Variants in TMED9 observed in about 807,000 individuals in gnomAD.
TMED9 encodes the protein transmembrane emp24 domain-containing protein 9.
Under a neutral mutation model 30.6 loss-of-function variants are expected in TMED9, and 22 were observed. The ratio of observed to expected loss-of-function variants is 0.72; its 90% CI spans 0.51 to 1.03. The LOEUF (loss-of-function observed/expected upper bound fraction) is 1.03, where lower values mean the gene tolerates loss of function less well. Among genes scored for constraint, TMED9 ranks in the 50% least tolerant of loss-of-function variants. The pLI, the probability that TMED9 is intolerant of heterozygous loss-of-function variation, is 0.00. For missense variants in TMED9, 251 were observed against 302.1 expected (o/e 0.83, Z 1.25); for synonymous variants, 146 against 122.8 (o/e 1.19, Z -1.25).
rs764025724 is a variant in TMED9 at position 177,592,383 on chromosome 5, G to C, written c.169G>C (p.Glu57Gln). 6.2e-7 allele frequency: 1 copy of C among 1,601,210 alleles called. No homozygotes were observed. The highest frequency in any genetic ancestry group is 8.5e-7 in the Non-Finnish European group (1 of 1,174,004). Residue 57 changes from glutamate to glutamine, a missense_variant, in exon 1 of 5, where the codon GAG (glutamate) becomes CAG (glutamine). Glu to Gln is a conservative substitution (Grantham distance 29). Around this residue, in one of 2 missense-constraint regions of TMED9, gnomAD observed 153 missense variants for 239.6 expected, o/e 0.64. Coordinates refer to ENST00000332598, the MANE Select transcript of TMED9 (RefSeq NM_017510.6). ...KKCFIEEIPD[E>Q]TMVIGNYRTQ... is the part of the protein sequence containing the mutation. The stretch of plus-strand genomic sequence containing the variant: ...GTGCTTTATTGAGGAGATCCCGGAC[G>C]AGACCATGGTCATAGGTGCGGGGGC...
rs1767687799 is a variant in TMED9, at chr5:177,596,173, A to G, written c.*757A>G. ...CACACACTGCAGGGTGCCTCAGGGA[A>G]TGCCAGTTCTTCCAAAGAGCAAAGC... On this transcript the variant is annotated 3_prime_UTR_variant, in exon 5 of 5. Transcript: ENST00000332598. 6.6e-6 allele frequency: 1 copy of G among 152,566 alleles called. No homozygotes were observed. Among genetic ancestry groups the G allele is most frequent in the African/African-American group, 2.4e-5 (1 of 41,464 alleles). The allele number at this position is 152,566 out of a possible 1,614,324, so 9.5% of individuals were successfully genotyped here. A position where few individuals can be genotyped will look rare whatever the true frequency, so the allele number is the denominator to read the frequency against.
intron 3 of TMED9, 57 bp downstream of exon 3, chr5:177,593,832 G>C (rs1767636524): frequency 6.2e-6 from 10 of 1,603,744 alleles, no homozygotes; most frequent in Non-Finnish European, 8.5e-6. Context: ...GGTGAGGACT[G>C]GGGGACTGGT....
chr5:177,593,542 C>G, intron 2 of TMED9, 108 bp from the exon 3 acceptor site: 1 of 1,394,896 alleles, frequency 7.2e-7, no homozygotes, highest in South Asian at 1.3e-5. Context: ...TTGTGAGGTG[C>G]GAAAGGCTGT....
At chr5:177,592,778 ATGT>A (rs1201021664) in intron 2 of TMED9, 103 bp downstream of exon 2, 10 of 817,074 alleles carry the variant, frequency 1.2e-5, no homozygotes, top group East Asian at 8.1e-5. Flanking sequence ...GAGACAGTTG[ATGT>A]TGTGGGAATA....
chr5:177,594,195 T>C lies in TMED9; in HGVS notation c.468T>C (p.Ala156=). The change falls in exon 4 of 5, where the codon GCT becomes GCC. Residue 156 remains alanine, a synonymous_variant. Transcript: ENST00000332598. The stretch of plus-strand genomic sequence containing the variant: ...ATGCCAATGACTATGCAGAAATTGC[T>C]GCTAAAGACAAGTTGAGTGAGTTGC... ...GEHANDYAEI[A]AKDKLSELQL... The C allele has an allele frequency of 6.2e-7, 1 of 1,614,240 alleles. No individual in the cohort carries two copies. Among genetic ancestry groups the C allele is most frequent in the Non-Finnish European group, 8.5e-7 (1 of 1,180,042 alleles).
rs377049767 is a variant in TMED9, at chr5:177,592,618, C to T, written c.228C>T (p.Tyr76=). The change falls in exon 2 of 5, where the codon TAC becomes TAT. Residue 76 remains tyrosine, a synonymous_variant. Coordinates refer to ENST00000332598, the MANE Select transcript of TMED9 (RefSeq NM_017510.6). ...TGTATGACAAGCAGCGGGAGGAGTA[C>T]CAGCCGGCCACCCCGGGGCTTGGCA... The part of the protein sequence containing the change: ...TQLYDKQREE[Y]QPATPGLGMF... The T allele has an allele frequency of 5.0e-6, 8 of 1,613,790 alleles. No homozygotes were observed. The highest frequency in any genetic ancestry group is 6.8e-6 in the Non-Finnish European group (8 of 1,179,916).
At chr5:177,594,772 ATTTATTT>A (rs1203159130) in intron 4 of TMED9, among the ~76,000 whole-genome samples, 1 of 152,134 alleles carries the variant, frequency 6.6e-6, no homozygotes, top group African/African-American at 2.4e-5. Context: ...GAACATTTTA[ATTTATTT>A]TTTATTTTTT....
chr5:177,592,211 C>T lies in TMED9; in HGVS notation c.-4C>T, dbSNP rs1329022704. ...GCTGCGGCTGCGCAGGCAGGTGGAG[C>T]AAGATGGCTGTGGAGCTGGGCGTGC... On this transcript the variant is annotated 5_prime_UTR_variant, in exon 1 of 5. Coordinates refer to ENST00000332598, the MANE Select transcript of TMED9 (RefSeq NM_017510.6). 2 of 1,594,540 alleles carry T rather than the reference C, an allele frequency of 1.3e-6. No individual in the cohort carries two copies. The highest frequency in any genetic ancestry group is 2.3e-5 in the East Asian group (1 of 43,190).
rs1767633890 is a variant in TMED9 at position 177,593,679 on chromosome 5, G to A, written c.315G>A (p.Glu105=). ...TCCTGGCCCGGCAGTATGGCTCCGAGGGCAGGTTCACTTTCACTTCCCATA... is the reference window on the plus strand; with the variant it reads ...TCCTGGCCCGGCAGTATGGCTCCGAAGGCAGGTTCACTTTCACTTCCCATA... ...KVILARQYGS[E]GRFTFTSHTP... The change falls in exon 3 of 5, where the codon GAG becomes GAA. Residue 105 remains glutamate (E), a synonymous_variant. Transcript: ENST00000332598. 1 of 1,614,074 alleles carries A rather than the reference G, an allele frequency of 6.2e-7. No individual in the cohort carries two copies. Among genetic ancestry groups the A allele is most frequent in the South Asian group, 1.1e-5 (1 of 91,090 alleles).
chr5:177,597,066 G>A lies in TMED9; in HGVS notation c.*1650G>A, dbSNP rs1259959035. On this transcript the variant is annotated 3_prime_UTR_variant, in exon 5 of 5. Transcript: ENST00000332598. ...AAGTTTGGGGGCTGCTTCCCCTAAT[G>A]GGATGATGCAATCTGGGCTCATGCT... 6.6e-6 allele frequency among the ~76,000 whole-genome samples: 1 copy of A among 152,086 alleles called. No individual in the cohort carries two copies. The highest frequency in any genetic ancestry group is 2.4e-5 in the African/African-American group (1 of 41,386).
rs758872337 is a variant in TMED9 at position 177,592,223 on chromosome 5, G to C, written c.9G>C (p.Val3=). The C allele has an allele frequency of 6.2e-7, 1 of 1,604,756 alleles. No homozygotes were observed. Residue 3 remains valine (V), a synonymous_variant, in exon 1 of 5, where the codon GTG becomes GTC. Coordinates refer to ENST00000332598, the MANE Select transcript of TMED9 (RefSeq NM_017510.6). ...CAGGCAGGTGGAGCAAGATGGCTGT[G>C]GAGCTGGGCGTGCTGCTCGTCCGGC... MA[V]ELGVLLVRPR...
chr5:177,595,553 C>A lies in TMED9; in HGVS notation c.*137C>A, dbSNP rs1767674533. ...GAGGGGCTGGAGGCACCCACAGGCA[C>A]AAGCTGAAGGCAGCAGCTTGGCTAA... On this transcript the variant is annotated 3_prime_UTR_variant, in exon 5 of 5. Coordinates refer to ENST00000332598, the MANE Select transcript of TMED9 (RefSeq NM_017510.6). The A allele has an allele frequency of 1.9e-6, 2 of 1,075,182 alleles. No homozygotes were observed. Among genetic ancestry groups the A allele is most frequent in the Non-Finnish European group, 2.6e-6 (2 of 758,396 alleles). 66.6% of individuals were successfully genotyped at this position (1,075,182 alleles called of 1,614,324 possible). A position where few individuals can be genotyped will look rare whatever the true frequency, so the allele number is the denominator to read the frequency against.
Position 177,596,397 on chromosome 5 carries a change from C to T in TMED9, c.*981C>T, listed in dbSNP as rs192798052. Among the ~76,000 whole-genome samples, 43 of 152,302 alleles carry T rather than the reference C, an allele frequency of 2.8e-4. No individual in the cohort carries two copies. Among genetic ancestry groups the T allele is most frequent in the Admixed American group, 1.6e-3 (25 of 15,300 alleles). On this transcript the variant is annotated 3_prime_UTR_variant, in exon 5 of 5. Transcript: ENST00000332598. Reference sequence around the variant, plus strand: ...TTCTAGAGTCAGTAAGCAGGATTGTCATGGATGCTGCCAGGAAGTGCCTGG... The same window carrying T: ...TTCTAGAGTCAGTAAGCAGGATTGTTATGGATGCTGCCAGGAAGTGCCTGG...
chr5:177,595,360 G>C lies in TMED9; in HGVS notation c.652G>C (p.Gly218Arg), dbSNP rs375554888. 6.2e-7 allele frequency: 1 copy of C among 1,612,838 alleles called. No homozygotes were observed. Among genetic ancestry groups the C allele is most frequent in the African/African-American group, 1.3e-5 (1 of 74,890 alleles). The change falls in exon 5 of 5, where the codon GGT becomes CGT. Residue 218 changes from glycine to arginine, a missense_variant. By Grantham distance (125) the Gly-to-Arg change is moderately radical. Around this residue, in one of 2 missense-constraint regions of TMED9, gnomAD observed 153 missense variants for 239.6 expected, o/e 0.64. Transcript: ENST00000332598. ...GCAGACCCTCATCCTCGTGGCCATCGGTGTCTGGCAGATGCGGCACCTCAA... is the reference window on the plus strand; with the variant it reads ...GCAGACCCTCATCCTCGTGGCCATCCGTGTCTGGCAGATGCGGCACCTCAA... ...ILQTLILVAI[G>R]VWQMRHLKSF... is the part of the protein sequence containing the mutation.
At chr5:177,593,566 T>C in intron 2 of TMED9, 84 bp from the exon 3 acceptor site, 34 of 1,544,620 alleles carry the variant, frequency 2.2e-5, no homozygotes, top group Non-Finnish European at 2.9e-5. Flanking sequence ...TGTCAACTTT[T>C]GCAGTACTTA....
At position 177,592,386 on chromosome 5, in the gene TMED9, AC is replaced by A; in HGVS notation, c.174del (p.Met59TrpfsTer3). The A allele has an allele frequency of 6.2e-7, 1 of 1,600,586 alleles. No homozygotes were observed. The highest frequency in any genetic ancestry group is 1.1e-5 in the South Asian group (1 of 88,960). ...KCFIEEIPDE[T>X]MVIGNYRTQL... ...CTTTATTGAGGAGATCCCGGACGAGACCATGGTCATAGGTGCGGGGGCGGGG... is the reference window on the plus strand; with the variant it reads ...CTTTATTGAGGAGATCCCGGACGAGACATGGTCATAGGTGCGGGGGCGGGG... On this transcript the variant is annotated frameshift_variant, in exon 1 of 5. Coordinates refer to ENST00000332598, the MANE Select transcript of TMED9 (RefSeq NM_017510.6). LOFTEE classifies it high-confidence loss of function.
At chr5:177,593,946 C>G (rs937310546) in intron 3 of TMED9, 171 bp downstream of exon 3, 3 of 1,200,450 alleles carry the variant, frequency 2.5e-6, no homozygotes, top group Non-Finnish European at 3.5e-6. Context: ...TTGTACATGC[C>G]TCACTCAGAG....
At position 177,593,682 on chromosome 5, in the gene TMED9, C is replaced by T. The variant is rs748542254; in HGVS notation, c.318C>T (p.Gly106=). Residue 106 remains glycine, a synonymous_variant, in exon 3 of 5, where the codon GGC becomes GGT. Transcript: ENST00000332598. ...VILARQYGSE[G]RFTFTSHTPG... ...TGGCCCGGCAGTATGGCTCCGAGGGCAGGTTCACTTTCACTTCCCATACCC... is the reference window on the plus strand; with the variant it reads ...TGGCCCGGCAGTATGGCTCCGAGGGTAGGTTCACTTTCACTTCCCATACCC... 2 of 1,614,100 alleles carry T rather than the reference C, an allele frequency of 1.2e-6. No individual in the cohort carries two copies.
chr5:177,594,410 TG>T, intron 4 of TMED9, 125 bp downstream of exon 4: 1 of 1,179,046 alleles, frequency 8.5e-7, no homozygotes, highest in Non-Finnish European at 1.2e-6. Context: ...TTGTAGGTCG[TG>T]GGGCGGGTAT....
Sources: gnomAD v4.1 joint callset for allele counts (sites outside exome capture counted in the v4.1 genomes callset) on GRCh38, gnomAD v4.1.1 for gene constraint, gnomAD v4.1.1 regional missense constraint, MANE v1.5 for transcripts, NCBI Gene and HGNC (gene_info 2026-07-23, HGNC 2026-07-21) for gene names.